The following WDR11 variants were observed in gnomAD, a reference collection of about 807,000 sequenced individuals.
WDR11 encodes WD repeat domain 11.
A neutral mutation model predicts 151.2 loss-of-function variants in WDR11; 83 were observed. The ratio of observed to expected loss-of-function variants is 0.55; its 90% CI spans 0.46 to 0.66. The LOEUF is 0.66. WDR11 is among the 30% of genes least tolerant of loss of function. The pLI, the probability that WDR11 is intolerant of heterozygous loss-of-function variation, is 0.00. For synonymous variants in WDR11, 484 were observed against 533.1 expected, an observed-to-expected ratio of 0.91 and a Z score of 1.27; for missense variants, 1,301 against 1,480.9, an observed-to-expected ratio of 0.88 and a Z score of 1.99.
At position 120,874,195 on chromosome 10, in the gene WDR11, TGTTGTTG is replaced by T. The variant is rs1249163408; in HGVS notation, c.1556+273_1556+279del. On this transcript the variant is annotated intron_variant, in intron 11 of 28. Transcript: ENST00000263461. ...TTTGCAGTTTTTTTTTTTTTTTTGT[TGTTGTTG>T]TTGTTGTTTGTTTTGTTTTGTTTTG... Among the ~76,000 whole-genome samples the T allele has an allele frequency of 5.0e-3, 539 of 107,840 alleles. 21 individuals are homozygous for T. Among genetic ancestry groups the T allele is most frequent in the East Asian group, 0.01 (34 of 3,302 alleles). The allele number at this position is 107,840 out of a possible 152,430, so 70.7% of individuals were successfully genotyped here.
chr10:120,873,612 T>A (rs1564702455), intron 10 of WDR11, among the ~76,000 whole-genome samples: 1 of 152,212 alleles, frequency 6.6e-6, no homozygotes, highest in Non-Finnish European at 1.5e-5. Context: ...AATCTATTCC[T>A]GGAATTAGGC....
intron 20 of WDR11, 89 bp from the exon 21 acceptor site, chr10:120,900,947 C>T: frequency 3.2e-6 from 3 of 935,614 alleles, no homozygotes; most frequent in Non-Finnish European, 5.3e-6. Flanking sequence ...AGAAGGTTAT[C>T]TCTATATTAA....
chr10:120,871,178 G>A lies in WDR11; in HGVS notation c.1303G>A (p.Ala435Thr), dbSNP rs318240760. 2.6e-4 allele frequency: 414 copies of A among 1,614,138 alleles called. 1 individual carries two copies. Among genetic ancestry groups the A allele is most frequent in the South Asian group, 4.4e-4 (40 of 91,076 alleles). Reference protein sequence around the residue: ...LSLDNMIGQSAIAGEEHPRGS... With the variant: ...LSLDNMIGQSTIAGEEHPRGS... ...TTTTTATTACAAATCAGGGCAAAGT[G>A]CAATTGCTGGGGAAGAACATCCCAG... is the stretch of plus-strand genomic sequence containing the variant. Residue 435 changes from alanine (A) to threonine (T), a missense_variant, in exon 10 of 29, where the codon GCA (alanine) becomes ACA (threonine). Coordinates refer to ENST00000263461, the MANE Select transcript of WDR11 (RefSeq NM_018117.12).
chr10:120,856,734 T>C (rs1024272273), intron 2 of WDR11, among the ~76,000 whole-genome samples: 1 of 152,126 alleles, frequency 6.6e-6, no homozygotes, highest in African/African-American at 2.4e-5. Flanking sequence ...TATTAAAATA[T>C]ATATATATAT....
chr10:120,890,506 G>A (rs1055645898), intron 18 of WDR11, among the ~76,000 whole-genome samples: 3 of 152,128 alleles, frequency 2.0e-5, no homozygotes, highest in Admixed American at 6.6e-5. Flanking sequence ...CAGCCACCGC[G>A]CCCAGCCGAT....
chr10:120,878,191 C>T, intron 11 of WDR11, among the ~76,000 whole-genome samples, 162 bp from the exon 12 acceptor site: 1 of 152,238 alleles, frequency 6.6e-6, no homozygotes, highest in African/African-American at 2.4e-5. Flanking sequence ...TATGGTAATA[C>T]AGTCTCAAAT....
intron 19 of WDR11, among the ~76,000 whole-genome samples, chr10:120,892,334 CA>C (rs1377451130): frequency 1.3e-5 from 2 of 152,096 alleles, no homozygotes; most frequent in South Asian, 2.1e-4. Flanking sequence ...TCTAATGTTA[CA>C]GCCTCAGCCA....
At chr10:120,906,277 A>T in intron 27 of WDR11, 1 of 1,348,844 alleles carries the variant, frequency 7.4e-7, no homozygotes, top group Non-Finnish European at 9.5e-7. Context: ...GGAATTTAAA[A>T]GTCTTCAGAG....
intron 28 of WDR11, chr10:120,907,672 G>C (rs1848112326): frequency 6.7e-6 from 1 of 148,480 alleles, no homozygotes; most frequent in African/African-American, 2.5e-5. Flanking sequence ...TTGAGGTAAG[G>C]TCTCACTCTT....
rs533650373 is a variant in WDR11, at chr10:120,871,314, A to T, written c.1439A>T (p.Asn480Ile). The change falls in exon 10 of 29, where the codon AAC becomes ATC. Residue 480 changes from asparagine to isoleucine, a missense_variant. This residue lies in a region of WDR11 where 692 missense variants were observed against 762.5 expected (regional missense o/e 0.91). Transcript: ENST00000263461. ...ATGTGTCCACCGTTGACCACAAAAA[A>T]CATCAAGATGTATCAGCCACTGCTG... ...IRMCPPLTTK[N>I]IKMYQPLLAV... 6.2e-7 allele frequency: 1 copy of T among 1,613,840 alleles called. No individual in the cohort carries two copies. Among genetic ancestry groups the T allele is most frequent in the South Asian group, 1.1e-5 (1 of 91,068 alleles).
chr10:120,895,459 A>T (rs1847578671), intron 19 of WDR11, among the ~76,000 whole-genome samples: 1 of 152,156 alleles, frequency 6.6e-6, no homozygotes, highest in Non-Finnish European at 1.5e-5. Context: ...TCCAAGATGC[A>T]ATCCTTCCTT....
chr10:120,858,450 G>C (rs1433830814), intron 2 of WDR11, among the ~76,000 whole-genome samples, 193 bp from the exon 3 acceptor site: 1 of 152,100 alleles, frequency 6.6e-6, no homozygotes. Context: ...AAACAATTTT[G>C]TAACTGCAGT....
Position 120,866,775 on chromosome 10 carries a change from C to A in WDR11, c.1190+11C>A. On this transcript the variant is annotated intron_variant, in intron 8 of 28. Transcript: ENST00000263461. ...AAATTCACGGAACAGGTAAATGAAT[C>A]AACAGGATCATGGTTTTGTTTTTTG... 6.2e-7 allele frequency: 1 copy of A among 1,613,972 alleles called. No homozygotes were observed. The highest frequency in any genetic ancestry group is 8.5e-7 in the Non-Finnish European group (1 of 1,179,916).
At chr10:120,851,934 G>A (rs1451214846) in intron 1 of WDR11, 8 of 261,422 alleles carry the variant, frequency 3.1e-5, no homozygotes, top group South Asian at 8.8e-5. Flanking sequence ...CTAGGCGCCT[G>A]TTCTTTCACC....
chr10:120,852,716 C>A, intron 2 of WDR11, 81 bp downstream of exon 2: 1 of 1,218,706 alleles, frequency 8.2e-7, no homozygotes, highest in Non-Finnish European at 1.2e-6. Flanking sequence ...CTCATTAAGT[C>A]TTACGTGTAA....
intron 19 of WDR11, among the ~76,000 whole-genome samples, chr10:120,892,659 CT>C (rs1847466935): frequency 6.6e-6 from 1 of 152,084 alleles, no homozygotes; most frequent in African/African-American, 2.4e-5. Flanking sequence ...TTCAATTCTC[CT>C]TGAAAACAAG....
intron 19 of WDR11, 173 bp from the exon 20 acceptor site, chr10:120,899,854 ACT>A (rs1847749323): frequency 3.2e-6 from 2 of 625,266 alleles, no homozygotes; most frequent in Non-Finnish European, 5.7e-6. Context: ...GAATGCAGAG[ACT>A]CTCTCTGCTC....
rs773097370 is a variant in WDR11 at position 120,905,396 on chromosome 10, C to A, written c.3271C>A (p.Arg1091=). ...RYLQTYGEWN[R]AAWLAKVRLN... ...CCTGCAGACATACGGCGAGTGGAAT[C>A]GGGCTGCATGGCTGGCAAAAGTAGG... Residue 1091 remains arginine, a synonymous_variant, in exon 26 of 29, where the codon CGG becomes AGG. Coordinates refer to ENST00000263461, the MANE Select transcript of WDR11 (RefSeq NM_018117.12). 6.2e-7 allele frequency: 1 copy of A among 1,614,120 alleles called. No homozygotes were observed.
intron 11 of WDR11, 128 bp from the exon 12 acceptor site, chr10:120,878,225 G>A (rs1358166320): frequency 1.4e-6 from 1 of 700,810 alleles, no homozygotes; most frequent in East Asian, 2.8e-5. Context: ...AAGATAAAAG[G>A]TCATGCTTAC....
Sources: gnomAD v4.1 joint callset for allele counts (sites outside exome capture counted in the v4.1 genomes callset) on GRCh38, gnomAD v4.1.1 for gene constraint, gnomAD v4.1.1 regional missense constraint, MANE v1.5 for transcripts, NCBI Gene and HGNC (gene_info 2026-07-23, HGNC 2026-07-21) for gene names.